TM9SF2: variants seen among roughly 807,000 people sequenced by gnomAD.
TM9SF2 encodes transmembrane 9 superfamily member 2, also known as 76 kDa membrane protein.
A neutral mutation model predicts 84.9 loss-of-function variants in TM9SF2; 13 were observed. The ratio of observed to expected loss-of-function variants is 0.15; its 90% confidence interval spans 0.10 to 0.24. The LOEUF is 0.24. TM9SF2 is among the 10% of genes least tolerant of loss of function. The probability of loss-of-function intolerance (pLI) is 1.00; values close to 1 mark genes in which losing one functional copy is unlikely to be tolerated. For missense variants in TM9SF2, 562 were observed against 818.5 expected (o/e 0.69, Z 3.82); for synonymous variants, 273 against 285.8 (o/e 0.96, Z 0.45).
intron 4 of TM9SF2, among the ~76,000 whole-genome samples, chr13:99,533,911 T>C (rs2046222299): frequency 6.6e-6 from 1 of 152,322 alleles, no homozygotes; most frequent in East Asian, 1.9e-4. Context: ...CCTCTTGATC[T>C]ACCCACCTTG....
At chr13:99,503,667 G>A (rs934637849) in intron 1 of TM9SF2, among the ~76,000 whole-genome samples, 24 of 138,764 alleles carry the variant, frequency 1.7e-4, no homozygotes, top group African/African-American at 6.7e-4. Flanking sequence ...CTGAGATCGC[G>A]CCATTGCACT....
chr13:99,556,589 T>TA (rs1491163360), intron 15 of TM9SF2, among the ~76,000 whole-genome samples: 9 of 149,880 alleles, frequency 6.0e-5, no homozygotes, highest in Admixed American at 5.3e-4. Context: ...TTTTTTTTTT[T>TA]CCTTTTTTTC....
At chr13:99,515,732 TG>T (rs1206562905) in intron 1 of TM9SF2, among the ~76,000 whole-genome samples, 17 of 122,106 alleles carry the variant, frequency 1.4e-4, no homozygotes, top group African/African-American at 5.0e-4. Context: ...TGAGAAATAC[TG>T]GTTTTTTTTT....
intron 1 of TM9SF2, among the ~76,000 whole-genome samples, chr13:99,510,640 C>G (rs2046109822): frequency 6.6e-6 from 1 of 152,170 alleles, no homozygotes; most frequent in Non-Finnish European, 1.5e-5. Flanking sequence ...CACAAGAACT[C>G]ATTATCAGGA....
intron 4 of TM9SF2, 66 bp from the exon 5 acceptor site, chr13:99,536,542 T>C (rs749444799): frequency 9.6e-6 from 15 of 1,564,490 alleles, no homozygotes; most frequent in Admixed American, 1.9e-5. Context: ...GACACTGATT[T>C]GGGCAGTAAT....
At chr13:99,562,526 C>T (rs534929756) in intron 16 of TM9SF2, among the ~76,000 whole-genome samples, 165 bp from the exon 17 acceptor site, 3 of 151,370 alleles carry the variant, frequency 2.0e-5, no homozygotes, top group Admixed American at 6.6e-5. Context: ...TTGAGGTGGT[C>T]GTATATTTTT....
At chr13:99,508,404 AACACACACAC>A (rs61561266) in intron 1 of TM9SF2, among the ~76,000 whole-genome samples, 47 of 134,510 alleles carry the variant, frequency 3.5e-4, no homozygotes, top group South Asian at 1.5e-3. Context: ...AGGCAAACAA[AACACACACAC>A]ACACACACAC....
Position 99,529,530 on chromosome 13 carries a change from G to C in TM9SF2, c.397G>C (p.Ala133Pro). The change falls in exon 4 of 17, where the codon GCT becomes CCT. Residue 133 changes from alanine to proline, a missense_variant. By Grantham distance (27) the Ala-to-Pro change is conservative. Around this residue, in one of 4 missense-constraint regions of TM9SF2, gnomAD observed 267 missense variants for 316.7 expected, o/e 0.84. Transcript: ENST00000376387. ...TACAAAAACATACCATACAGAGAAAGCTGAAGACAAACAAAAGTTAGAATT... is the reference window on the plus strand; with the variant it reads ...TACAAAAACATACCATACAGAGAAACCTGAAGACAAACAAAAGTTAGAATT... Reference protein sequence around the residue: ...VCTKTYHTEKAEDKQKLEFLK... With the variant: ...VCTKTYHTEKPEDKQKLEFLK... 1.3e-6 allele frequency: 2 copies of C among 1,594,480 alleles called. No homozygotes were observed. The highest frequency in any genetic ancestry group is 1.7e-6 in the Non-Finnish European group (2 of 1,173,290).
At chr13:99,533,921 G>A (rs2046222377) in intron 4 of TM9SF2, among the ~76,000 whole-genome samples, 1 of 152,242 alleles carries the variant, frequency 6.6e-6, no homozygotes, top group East Asian at 1.9e-4. Flanking sequence ...TACCCACCTT[G>A]GCCTCCCAAA....
intron 4 of TM9SF2, 28 bp downstream of exon 4, chr13:99,529,622 G>A (rs762668578): frequency 1.3e-6 from 2 of 1,486,848 alleles, no homozygotes; most frequent in South Asian, 2.9e-5. Context: ...TCGATTTTGG[G>A]GTTTATCCTT....
In TM9SF2 at chr13:99,562,589, T is replaced by A; in HGVS notation, c.1925-102T>A. On this transcript the variant is annotated intron_variant, in intron 16 of 16. Coordinates refer to ENST00000376387, the MANE Select transcript of TM9SF2 (RefSeq NM_004800.3). Reference sequence around the variant, plus strand: ...TTCCCGGTGGGTAATAGTTTATAGTTTTGCGACTTTTTTAAGGAACCAGTC... The same window carrying A: ...TTCCCGGTGGGTAATAGTTTATAGTATTGCGACTTTTTTAAGGAACCAGTC... 4 of 1,101,626 alleles carry A rather than the reference T, an allele frequency of 3.6e-6. No individual in the cohort carries two copies. The South Asian group carries it at 5.6e-5, about 16-fold the overall frequency. The allele number at this position is 1,101,626 out of a possible 1,614,324, so 68.2% of individuals were successfully genotyped here. A position where few individuals can be genotyped will look rare whatever the true frequency, so the allele number is the denominator to read the frequency against.
intron 3 of TM9SF2, among the ~76,000 whole-genome samples, chr13:99,528,229 G>T (rs995173261): frequency 6.6e-6 from 1 of 152,202 alleles, no homozygotes; most frequent in African/African-American, 2.4e-5. Flanking sequence ...GGGAGAGGCT[G>T]CAGGGTGTTG....
intron 9 of TM9SF2, among the ~76,000 whole-genome samples, chr13:99,543,161 C>T (rs1359887804): frequency 6.6e-6 from 1 of 152,186 alleles, no homozygotes; most frequent in African/African-American, 2.4e-5. Flanking sequence ...TTACCTCCCT[C>T]CGATCTTTAC....
At chr13:99,537,207 A>G (rs1028241627) in intron 5 of TM9SF2, among the ~76,000 whole-genome samples, 4 of 152,150 alleles carry the variant, frequency 2.6e-5, no homozygotes, top group Non-Finnish European at 5.9e-5. Flanking sequence ...CTAGGTGGGG[A>G]TATATATTAA....
intron 15 of TM9SF2, among the ~76,000 whole-genome samples, chr13:99,556,776 C>T (rs939481355): frequency 5.9e-5 from 9 of 151,878 alleles, no homozygotes; most frequent in African/African-American, 1.2e-4. Context: ...TTGGTAGAGA[C>T]GGGGTTTCAC....
chr13:99,512,569 T>C (rs1029448143), intron 1 of TM9SF2, among the ~76,000 whole-genome samples: 7 of 152,150 alleles, frequency 4.6e-5, no homozygotes, highest in Non-Finnish European at 1.0e-4. Flanking sequence ...CCGTGGGCTA[T>C]GTACTGAAAT....
chr13:99,514,397 A>G (rs1224591879), intron 1 of TM9SF2: 1 of 152,218 alleles, frequency 6.6e-6, no homozygotes, highest in Non-Finnish European at 1.5e-5. Context: ...AGATGTGTTT[A>G]GCTACACAAA....
At chr13:99,537,016 C>A (rs1461986140) in intron 5 of TM9SF2, among the ~76,000 whole-genome samples, 3 of 152,030 alleles carry the variant, frequency 2.0e-5, no homozygotes, top group Admixed American at 6.6e-5. Context: ...TCTCATAAAT[C>A]TTATATATTA....
At chr13:99,551,861 C>T (rs375559003) in intron 12 of TM9SF2, among the ~76,000 whole-genome samples, 4 of 152,198 alleles carry the variant, frequency 2.6e-5, no homozygotes, top group African/African-American at 4.8e-5. Flanking sequence ...AAACACCAGA[C>T]GCCTGCTGCA....
Sources: gnomAD v4.1 joint callset for allele counts (sites outside exome capture counted in the v4.1 genomes callset) on GRCh38, gnomAD v4.1.1 for gene constraint, gnomAD v4.1.1 regional missense constraint, MANE v1.5 for transcripts, NCBI Gene and HGNC (gene_info 2026-07-23, HGNC 2026-07-21) for gene names.